DNAH14: variants seen among roughly 807,000 people sequenced by gnomAD.
DNAH14 encodes axonemal beta dynein heavy chain 14.
A neutral mutation model predicts 520.9 loss-of-function variants in DNAH14; 478 were observed. The observed-to-expected ratio is 0.92, with a 90% CI of 0.85 to 0.99. DNAH14 has a LOEUF of 0.99. Ranked by LOEUF, DNAH14 falls within the 50% of genes least tolerant of loss-of-function variation. The pLI, the probability that DNAH14 is intolerant of heterozygous loss-of-function variation, is 0.00. For missense variants in DNAH14, 4,831 were observed against 5,234.5 expected (o/e 0.92, Z 2.38); for synonymous variants, 1,581 against 1,757.2 (o/e 0.90, Z 2.51).
rs753425198 is a variant in DNAH14 at position 224,952,710 on chromosome 1, C to T, written c.8C>T (p.Thr3Met). The part of the protein sequence containing the change: ME[T>M]FIPIDLTTEN... ...TTTTGTTCAGAAAAACATATGGAGA[C>T]GTTTATACCCATTGATTTGACAACT... The change falls in exon 2 of 86, where the codon ACG (threonine) becomes ATG (methionine). Residue 3 changes from threonine (T) to methionine (M), a missense_variant. Physicochemically the swap from Thr to Met is moderately conservative, Grantham distance 81 (BLOSUM62 -1). Transcript: ENST00000682510. The T allele has an allele frequency of 1.3e-5, 20 of 1,598,222 alleles. No homozygotes were observed. Among genetic ancestry groups the T allele is most frequent in the South Asian group, 4.5e-5 (4 of 88,108 alleles).
Position 225,335,245 on chromosome 1 carries a change from T to C in DNAH14, c.10080+1739T>C, listed in dbSNP as rs62644182. 6.9e-3 allele frequency among the ~76,000 whole-genome samples: 817 copies of C among 118,944 alleles called. 91 individuals are homozygous for C. The East Asian group carries it at 0.092, about 13-fold the overall frequency. 78.0% of individuals were successfully genotyped at this position (118,944 alleles called of 152,430 possible). A position where few individuals can be genotyped will look rare whatever the true frequency, so the allele number is the denominator to read the frequency against. ...TATGCACATATACACATGTGTACAT[T>C]GTGTGTATATGCACATATACACGTG... On this transcript the variant is annotated intron_variant, in intron 66 of 85. Coordinates refer to ENST00000682510, the MANE Select transcript of DNAH14 (RefSeq NM_001367479.1).
rs958144123 is a variant in DNAH14 at position 225,335,931 on chromosome 1, C to A, written c.10081-1335C>A. On this transcript the variant is annotated intron_variant, in intron 66 of 85. Coordinates refer to ENST00000682510, the MANE Select transcript of DNAH14 (RefSeq NM_001367479.1). The stretch of plus-strand genomic sequence containing the variant: ...CATGTATGTATATATGCACATATAC[C>A]TATATATACATATATGTATATATAC... 2.0e-4 allele frequency among the ~76,000 whole-genome samples: 25 copies of A among 124,376 alleles called. 1 individual carries two copies. Among genetic ancestry groups the A allele is most frequent in the East Asian group, 5.2e-4 (2 of 3,814 alleles). The allele number at this position is 124,376 out of a possible 152,430, so 81.6% of individuals were successfully genotyped here.
intron 36 of DNAH14, among the ~76,000 whole-genome samples, chr1:225,179,029 G>A (rs1205579858): frequency 6.6e-6 from 1 of 152,090 alleles, no homozygotes; most frequent in Admixed American, 6.6e-5. Context: ...TGCCATGATT[G>A]TGAGGCTTCC....
At position 225,324,373 on chromosome 1, in the gene DNAH14, C is replaced by T. The variant is rs2094612584; in HGVS notation, c.9627+20C>T. On this transcript the variant is annotated intron_variant, in intron 63 of 85. Coordinates refer to ENST00000682510, the MANE Select transcript of DNAH14 (RefSeq NM_001367479.1). ...CAGAAGGTATGCTTTTCCTCCTAAA[C>T]ATCTGTCATGATTTGGAAGTGGCAC... is the stretch of plus-strand genomic sequence containing the variant. 6.5e-7 allele frequency: 1 copy of T among 1,547,896 alleles called. No individual in the cohort carries two copies. The highest frequency in any genetic ancestry group is 8.7e-7 in the Non-Finnish European group (1 of 1,145,312).
intron 54 of DNAH14, among the ~76,000 whole-genome samples, chr1:225,285,393 C>T (rs767210513): frequency 3.3e-5 from 5 of 151,600 alleles, no homozygotes; most frequent in Admixed American, 1.3e-4. Flanking sequence ...TACAAAAATA[C>T]AAAAATTAGC....
At chr1:225,215,120 T>G (rs1226128031) in intron 41 of DNAH14, among the ~76,000 whole-genome samples, 1 of 152,186 alleles carries the variant, frequency 6.6e-6, no homozygotes, top group African/African-American at 2.4e-5. Context: ...TTTGTTCTCA[T>G]TGGTTTCAAA....
chr1:225,087,096 A>G (rs2073904737), intron 21 of DNAH14, among the ~76,000 whole-genome samples: 1 of 151,840 alleles, frequency 6.6e-6, no homozygotes, highest in African/African-American at 2.4e-5. Context: ...GTCTTAGTCC[A>G]CTTAGTGTTG....
At chr1:225,231,688 C>A (rs2149573387) in intron 42 of DNAH14, among the ~76,000 whole-genome samples, 1 of 152,186 alleles carries the variant, frequency 6.6e-6, no homozygotes, top group South Asian at 2.1e-4. Flanking sequence ...AATGATAAAA[C>A]ATTCACTTGT....
Position 225,064,519 on chromosome 1 carries a change from A to T in DNAH14, c.2424+12724A>T, listed in dbSNP as rs143332261. ...CAAAACCTGAAAACAATCCAAGTGTATATCAATAGGTGAACAGATAAGAAA... is the reference window on the plus strand; with the variant it reads ...CAAAACCTGAAAACAATCCAAGTGTTTATCAATAGGTGAACAGATAAGAAA... On this transcript the variant is annotated intron_variant, in intron 17 of 85. Transcript: ENST00000682510. Among the ~76,000 whole-genome samples the T allele has an allele frequency of 4.3e-4, 65 of 152,132 alleles. No homozygotes were observed. The Middle Eastern group carries it at 0.014, about 32-fold the overall frequency.
chr1:225,058,267 G>A (rs1364002093), intron 17 of DNAH14, among the ~76,000 whole-genome samples: 6 of 152,070 alleles, frequency 3.9e-5, no homozygotes, highest in Non-Finnish European at 7.4e-5. Flanking sequence ...GGGAGGGTGT[G>A]TGTGTCAAGG....
chr1:225,285,982 A>G (rs1009486596), intron 54 of DNAH14, among the ~76,000 whole-genome samples: 2 of 152,252 alleles, frequency 1.3e-5, no homozygotes, highest in Admixed American at 1.3e-4. Context: ...TCTTGTGAAT[A>G]GTGCTGCAAT....
At chr1:225,144,737 T>A in intron 29 of DNAH14, 109 bp downstream of exon 29, 1 of 826,596 alleles carries the variant, frequency 1.2e-6, no homozygotes, top group Non-Finnish European at 1.9e-6. Context: ...TTCATTGCAT[T>A]AACAAGCACA....
rs1246513688 is a variant in DNAH14 at position 225,335,863 on chromosome 1, G to T, written c.10081-1403G>T. On this transcript the variant is annotated intron_variant, in intron 66 of 85. Coordinates refer to ENST00000682510, the MANE Select transcript of DNAH14 (RefSeq NM_001367479.1). ...TGTACATACACATATGTACATATAT[G>T]TACATACACATATACATATATGTAC... Among the ~76,000 whole-genome samples, 3 of 65,064 alleles carry T rather than the reference G, an allele frequency of 4.6e-5. 1 individual carries two copies. The highest frequency in any genetic ancestry group is 2.2e-4 in the African/African-American group (3 of 13,768). The allele number at this position is 65,064 out of a possible 152,430, so 42.7% of individuals were successfully genotyped here. A position where few individuals can be genotyped will look rare whatever the true frequency, so the allele number is the denominator to read the frequency against.
chr1:224,953,162 G>A (rs139690244), intron 2 of DNAH14: 5,286 of 150,752 alleles, frequency 0.035, 127 homozygotes, highest in South Asian at 0.091. Context: ...TCACTCTGTC[G>A]CCCAGACTGG....
chr1:225,061,001 C>T (rs1025444736), intron 17 of DNAH14, among the ~76,000 whole-genome samples: 73 of 150,246 alleles, frequency 4.9e-4, no homozygotes, highest in African/African-American at 1.8e-3. Flanking sequence ...TCTCAGATCT[C>T]CAGCTGCATG....
At chr1:225,004,425 C>G (rs2064006564) in intron 9 of DNAH14, among the ~76,000 whole-genome samples, 1 of 152,134 alleles carries the variant, frequency 6.6e-6, no homozygotes, top group Admixed American at 6.6e-5. Flanking sequence ...ATATTTTGAG[C>G]TAGGCTGTGC....
At chr1:225,367,408 CT>C (rs1292738519) in intron 76 of DNAH14, among the ~76,000 whole-genome samples, 3 of 152,140 alleles carry the variant, frequency 2.0e-5, no homozygotes. Context: ...ATGTGGGACC[CT>C]CTGTATCTGC....
intron 28 of DNAH14, among the ~76,000 whole-genome samples, chr1:225,143,603 G>A (rs529835297): frequency 1.3e-5 from 2 of 152,084 alleles, no homozygotes; most frequent in South Asian, 4.1e-4. Context: ...TAAGAGCTTT[G>A]ATGACTAAAT....
intron 11 of DNAH14, among the ~76,000 whole-genome samples, chr1:225,029,436 C>T (rs2148087499): frequency 6.6e-6 from 1 of 152,014 alleles, no homozygotes; most frequent in Admixed American, 6.6e-5. Context: ...TAAATTATAC[C>T]TCAATAAACC....
Sources: allele counts gnomAD v4.1 joint callset (sites outside exome capture counted in the v4.1 genomes callset), GRCh38; gene constraint gnomAD v4.1.1; transcripts MANE v1.5; gene names NCBI Gene and HGNC (gene_info 2026-07-23, HGNC 2026-07-21).